The following FGF10 variants were observed in gnomAD, a reference collection of about 807,000 sequenced individuals.
The protein encoded by FGF10 is FGF-10.
In FGF10, 2 loss-of-function variants were observed where a neutral mutation model predicts 19.8. That is an observed-to-expected ratio of 0.10 (90% CI 0.04 to 0.32). The LOEUF is 0.32. Among genes scored for constraint, FGF10 ranks in the 10% least tolerant of loss-of-function variants. The pLI, the probability that FGF10 is intolerant of heterozygous loss-of-function variation, is 1.00. For synonymous variants in FGF10, 112 were observed against 94.0 expected, an observed-to-expected ratio of 1.19 and a Z score of -1.10; for missense variants, 191 against 246.3, an observed-to-expected ratio of 0.78 and a Z score of 1.50.
In FGF10 at chr5:44,302,282, G is replaced by C. The variant is rs140868653; in HGVS notation, c.*2713C>G. Among the ~76,000 whole-genome samples, 187 of 122,182 alleles carry C rather than the reference G, an allele frequency of 1.5e-3. 1 individual carries two copies. The highest frequency in any genetic ancestry group is 3.3e-3 in the South Asian group (11 of 3,300). 80.2% of individuals were successfully genotyped at this position (122,182 alleles called of 152,430 possible). A position where few individuals can be genotyped will look rare whatever the true frequency, so the allele number is the denominator to read the frequency against. The stretch of plus-strand genomic sequence containing the variant: ...TCTTTCCTTCCTTCCTTCTTTCCTT[G>C]CTTCCTTCCTTCCTTCCTTCCTTCC... On this transcript the variant is annotated 3_prime_UTR_variant, in exon 3 of 3. Transcript: ENST00000264664.
chr5:44,332,320 T>C (rs1035763932), intron 1 of FGF10, among the ~76,000 whole-genome samples: 2 of 152,156 alleles, frequency 1.3e-5, no homozygotes, highest in Non-Finnish European at 2.9e-5. Flanking sequence ...TTCTATGATC[T>C]ATGAACAAGA....
Position 44,334,467 on chromosome 5 carries a change from G to A in FGF10, c.326-23937C>T, listed in dbSNP as rs573082947. On this transcript the variant is annotated intron_variant, in intron 1 of 2. Transcript: ENST00000264664. ...ACCTTCTTATCCCAACTACATAGGG[G>A]AATATGGTTACTTCCCACAGGGAAA... 2.0e-5 allele frequency among the ~76,000 whole-genome samples: 3 copies of A among 152,160 alleles called. No individual in the cohort carries two copies. The East Asian group carries it at 5.8e-4, about 29-fold the overall frequency.
intron 1 of FGF10, among the ~76,000 whole-genome samples, chr5:44,367,843 G>GT (rs5867664): frequency 5.5e-5 from 8 of 145,494 alleles, no homozygotes; most frequent in African/African-American, 1.2e-4. Context: ...TTTGTATGCT[G>GT]TTTTTTTTTT....
intron 1 of FGF10, among the ~76,000 whole-genome samples, chr5:44,361,527 A>AG (rs1333806993): frequency 6.6e-6 from 1 of 151,562 alleles, no homozygotes; most frequent in African/African-American, 2.4e-5. Flanking sequence ...CTCAATGGGG[A>AG]GTAAGAGTTC....
In FGF10 at chr5:44,301,928, G is replaced by A. The variant is rs145637289; in HGVS notation, c.*3067C>T. 1.4e-3 allele frequency among the ~76,000 whole-genome samples: 212 copies of A among 152,118 alleles called. 3 individuals carry two copies. Among genetic ancestry groups the A allele is most frequent in the African/African-American group, 4.6e-3 (192 of 41,514 alleles). ...TACTATACACTGTTCAGCCTTTTGC[G>A]AGTTAGGAGGAGGGAGTGATTCTAT... is the stretch of plus-strand genomic sequence containing the variant. On this transcript the variant is annotated 3_prime_UTR_variant, in exon 3 of 3. Coordinates refer to ENST00000264664, the MANE Select transcript of FGF10 (RefSeq NM_004465.2).
At position 44,302,285 on chromosome 5, in the gene FGF10, TC is replaced by T. The variant is rs1739982159; in HGVS notation, c.*2709del. Among the ~76,000 whole-genome samples the T allele has an allele frequency of 2.7e-5, 1 of 36,484 alleles. No homozygotes were observed. The highest frequency in any genetic ancestry group is 3.2e-4 in the Admixed American group (1 of 3,088). The allele number at this position is 36,484 out of a possible 152,430, so 23.9% of individuals were successfully genotyped here. ...TTCCTTCCTTCCTTCTTTCCTTGCT[TC>T]CTTCCTTCCTTCCTTCCTTCCTTCC... On this transcript the variant is annotated 3_prime_UTR_variant, in exon 3 of 3. Transcript: ENST00000264664.
intron 1 of FGF10, among the ~76,000 whole-genome samples, chr5:44,384,515 T>A (rs1042015735): frequency 8.5e-5 from 13 of 152,104 alleles, no homozygotes; most frequent in Admixed American, 2.6e-4. Flanking sequence ...GGATAATTTG[T>A]TTTTTAGAGA....
At chr5:44,334,239 C>A (rs978807905) in intron 1 of FGF10, among the ~76,000 whole-genome samples, 3 of 152,028 alleles carry the variant, frequency 2.0e-5, no homozygotes, top group East Asian at 3.9e-4. Flanking sequence ...CAACCTTAGG[C>A]CTTGTATCCG....
chr5:44,327,055 T>C (rs1235889888), intron 1 of FGF10, among the ~76,000 whole-genome samples: 3 of 152,146 alleles, frequency 2.0e-5, no homozygotes, highest in Admixed American at 1.3e-4. Flanking sequence ...GGCAGGACTA[T>C]AGAGCAGCAC....
Position 44,305,120 on chromosome 5 carries a change from T to C in FGF10, c.502A>G (p.Asn168Asp). 6.2e-7 allele frequency: 1 copy of C among 1,613,974 alleles called. No individual in the cohort carries two copies. Among genetic ancestry groups the C allele is most frequent in the Non-Finnish European group, 8.5e-7 (1 of 1,179,860 alleles). ...ENGYNTYASFNWQHNGRQMYV... is the reference protein window; with the variant it reads ...ENGYNTYASFDWQHNGRQMYV... ...ATTTGCCTCCCATTATGCTGCCAGTTAAATGATGCATAGGTATTGTATCCA... is the reference window on the plus strand; with the variant it reads ...ATTTGCCTCCCATTATGCTGCCAGTCAAATGATGCATAGGTATTGTATCCA... Residue 168 changes from asparagine (N) to aspartate (D), a missense_variant, in exon 3 of 3, where the codon AAC (asparagine) becomes GAC (aspartate). Asn to Asp is a conservative substitution (Grantham distance 23). Transcript: ENST00000264664.
In FGF10 at chr5:44,304,982, A is replaced by AC. The variant is rs763724035; in HGVS notation, c.*12dup. On this transcript the variant is annotated 3_prime_UTR_variant, in exon 3 of 3. Coordinates refer to ENST00000264664, the MANE Select transcript of FGF10 (RefSeq NM_004465.2). ...GCCATTGGTTCTACTGCATCCACAAACGTTGCCTTCCTCTATGAGTGTACC... is the reference window on the plus strand; with the variant it reads ...GCCATTGGTTCTACTGCATCCACAAACCGTTGCCTTCCTCTATGAGTGTACC... The AC allele has an allele frequency of 5.0e-5, 80 of 1,613,328 alleles. No individual in the cohort carries two copies. The highest frequency in any genetic ancestry group is 5.1e-6 in the Non-Finnish European group (6 of 1,179,478).
intron 1 of FGF10, among the ~76,000 whole-genome samples, chr5:44,358,684 T>C (rs546178714): frequency 1.3e-5 from 2 of 151,620 alleles, no homozygotes; most frequent in African/African-American, 4.8e-5. Context: ...GCCCAGGCTG[T>C]ACCCCAGAAG....
chr5:44,385,431 T>C (rs187949519), intron 1 of FGF10, among the ~76,000 whole-genome samples: 8 of 152,316 alleles, frequency 5.3e-5, no homozygotes, highest in Admixed American at 4.6e-4. Context: ...AGCATTCTGC[T>C]GGCAAAAAGC....
chr5:44,363,240 A>G (rs1289405283), intron 1 of FGF10, among the ~76,000 whole-genome samples: 1 of 151,816 alleles, frequency 6.6e-6, no homozygotes, highest in African/African-American at 2.4e-5. Context: ...ATAAAACATA[A>G]CTGCTCTTTA....
intron 1 of FGF10, among the ~76,000 whole-genome samples, chr5:44,315,682 C>T (rs1015172080): frequency 6.6e-6 from 1 of 152,110 alleles, no homozygotes; most frequent in African/African-American, 2.4e-5. Flanking sequence ...ATAGTTAGCA[C>T]AATGTAAGAC....
chr5:44,388,101 A>G (rs1742145516), intron 1 of FGF10, among the ~76,000 whole-genome samples: 1 of 148,708 alleles, frequency 6.7e-6, no homozygotes, highest in South Asian at 2.2e-4. Context: ...CCGGCTAGTG[A>G]CAGGCTGGAG....
rs1741316373 is a variant in FGF10 at position 44,355,070 on chromosome 5, C to A, written c.325+33288G>T. Among the ~76,000 whole-genome samples the A allele has an allele frequency of 1.3e-5, 2 of 151,360 alleles. 1 individual carries two copies. Among genetic ancestry groups the A allele is most frequent in the South Asian group, 4.1e-4 (2 of 4,830 alleles). On this transcript the variant is annotated intron_variant, in intron 1 of 2. Transcript: ENST00000264664. ...ACCTAGTCTCTAAATTATGTGTGCA[C>A]ATAGTGTATAGAACTATGGTCTAAA...
At chr5:44,356,345 T>A (rs1741347367) in intron 1 of FGF10, among the ~76,000 whole-genome samples, 1 of 151,486 alleles carries the variant, frequency 6.6e-6, no homozygotes, top group Non-Finnish European at 1.5e-5. Context: ...CTTATCTAAG[T>A]CTAAAATAAG....
At chr5:44,377,120 G>A (rs1360114314) in intron 1 of FGF10, among the ~76,000 whole-genome samples, 1 of 152,128 alleles carries the variant, frequency 6.6e-6, no homozygotes, top group African/African-American at 2.4e-5. Flanking sequence ...ACACTTATGT[G>A]CCTTCGTTTA....
Sources: allele counts gnomAD v4.1 joint callset (sites outside exome capture counted in the v4.1 genomes callset), GRCh38; gene constraint gnomAD v4.1.1; transcripts MANE v1.5; gene names NCBI Gene and HGNC (gene_info 2026-07-23, HGNC 2026-07-21).